The following FAM83B variants were observed in gnomAD, a reference collection of about 807,000 sequenced individuals.
The protein encoded by FAM83B is scaffolding CK1 anchoring protein B.
A neutral mutation model predicts 38.8 loss-of-function variants in FAM83B; 26 were observed. That is an observed-to-expected ratio of 0.67 (90% CI 0.49 to 0.93). The LOEUF (loss-of-function observed/expected upper bound fraction) is 0.93, where lower values mean the gene tolerates loss of function less well. FAM83B is among the 40% of genes least tolerant of loss of function. The pLI is 0.00. For missense variants in FAM83B, 1,237 were observed against 1,197.3 expected (o/e 1.03, Z -0.49); for synonymous variants, 419 against 423.1 (o/e 0.99, Z 0.12).
Position 54,940,573 on chromosome 6 carries a change from T to C in FAM83B, c.1602T>C (p.Leu534=), listed in dbSNP as rs749266627. The change falls in exon 5 of 5, where the codon CTT becomes CTC. Residue 534 remains leucine (L), a synonymous_variant. Coordinates refer to ENST00000306858, the MANE Select transcript of FAM83B (RefSeq NM_001010872.3). ...CTGAGAATTTGAAGGCCAATGCCCTTTATACTCATTCTCGGCTTCGTTCCT... is the reference window on the plus strand; with the variant it reads ...CTGAGAATTTGAAGGCCAATGCCCTCTATACTCATTCTCGGCTTCGTTCCT... The part of the protein sequence containing the change: ...DNPENLKANA[L]YTHSRLRSSL... 1 of 1,614,062 alleles carries C rather than the reference T, an allele frequency of 6.2e-7. No individual in the cohort carries two copies. Among genetic ancestry groups the C allele is most frequent in the Admixed American group, 1.7e-5 (1 of 59,968 alleles).
rs1773748961 is a variant in FAM83B, at chr6:54,943,569, G to A, written c.*1562G>A. 6.6e-6 allele frequency: 1 copy of A among 151,898 alleles called. No individual in the cohort carries two copies. The highest frequency in any genetic ancestry group is 2.1e-4 in the South Asian group (1 of 4,812). The allele number at this position is 151,898 out of a possible 1,614,324, so 9.4% of individuals were successfully genotyped here. A position where few individuals can be genotyped will look rare whatever the true frequency, so the allele number is the denominator to read the frequency against. On this transcript the variant is annotated 3_prime_UTR_variant, in exon 5 of 5. Coordinates refer to ENST00000306858, the MANE Select transcript of FAM83B (RefSeq NM_001010872.3). ...GTCTCATTAAAATAATTTAAATAATGGTATAAAATATCTATATCATTAAAA... is the reference window on the plus strand; with the variant it reads ...GTCTCATTAAAATAATTTAAATAATAGTATAAAATATCTATATCATTAAAA...
At chr6:54,850,630 A>G (rs374368358) in intron 1 of FAM83B, among the ~76,000 whole-genome samples, 2 of 151,934 alleles carry the variant, frequency 1.3e-5, no homozygotes, top group African/African-American at 4.8e-5. Flanking sequence ...GCTGTCATTT[A>G]TATATACACA....
rs1013433094 is a variant in FAM83B, at chr6:54,937,503, ACAAATCCTGTTTACAGC to A, written c.735-2202_735-2186del. ...CCTTTAATGATTGAGGCAGCTGGCC[ACAAATCCTGTTTACAGC>A]TCTTGGCATCCTAAATTACACTTAT... is the stretch of plus-strand genomic sequence containing the variant. On this transcript the variant is annotated intron_variant, in intron 4 of 4. Coordinates refer to ENST00000306858, the MANE Select transcript of FAM83B (RefSeq NM_001010872.3). 1.5e-4 allele frequency among the ~76,000 whole-genome samples: 23 copies of A among 152,152 alleles called. 1 individual carries two copies. Among genetic ancestry groups the A allele is most frequent in the African/African-American group, 2.4e-5 (1 of 41,458 alleles).
At chr6:54,933,888 G>C (rs1773474282) in intron 4 of FAM83B, among the ~76,000 whole-genome samples, 1 of 152,064 alleles carries the variant, frequency 6.6e-6, no homozygotes, top group African/African-American at 2.4e-5. Context: ...TTTCCATCCT[G>C]AGGGAGGACC....
At chr6:54,936,559 T>C (rs1445591566) in intron 4 of FAM83B, among the ~76,000 whole-genome samples, 1 of 152,060 alleles carries the variant, frequency 6.6e-6, no homozygotes, top group Non-Finnish European at 1.5e-5. Context: ...TCGAACTTTC[T>C]GTTTTGTTTT....
At chr6:54,935,470 A>G (rs1773505945) in intron 4 of FAM83B, among the ~76,000 whole-genome samples, 1 of 152,146 alleles carries the variant, frequency 6.6e-6, no homozygotes, top group African/African-American at 2.4e-5. Flanking sequence ...AAGAGGGAAC[A>G]ATAGATAAAA....
intron 1 of FAM83B, among the ~76,000 whole-genome samples, chr6:54,864,611 A>G (rs979636803): frequency 6.6e-6 from 1 of 152,218 alleles, no homozygotes; most frequent in Non-Finnish European, 1.5e-5. Context: ...ATCAAATTGC[A>G]CTTGACAGCT....
At chr6:54,879,399 C>G (rs1452576561) in intron 2 of FAM83B, among the ~76,000 whole-genome samples, 2 of 152,186 alleles carry the variant, frequency 1.3e-5, no homozygotes, top group African/African-American at 4.8e-5. Flanking sequence ...CAGAACCTCC[C>G]AACACTTAGT....
At chr6:54,918,584 C>T (rs1302823543) in intron 2 of FAM83B, among the ~76,000 whole-genome samples, 1 of 152,024 alleles carries the variant, frequency 6.6e-6, no homozygotes, top group Non-Finnish European at 1.5e-5. Flanking sequence ...ATAAAACCAT[C>T]AGATCTTGGG....
At position 54,943,334 on chromosome 6, in the gene FAM83B, A is replaced by G. The variant is rs1194298926; in HGVS notation, c.*1327A>G. On this transcript the variant is annotated 3_prime_UTR_variant, in exon 5 of 5. Transcript: ENST00000306858. ...AGATACCCTTTGTCTTTCTTACAGTAATGAAGTATAAGCTCCATATCTGTT... is the reference window on the plus strand; with the variant it reads ...AGATACCCTTTGTCTTTCTTACAGTGATGAAGTATAAGCTCCATATCTGTT... 6.6e-6 allele frequency: 1 copy of G among 152,206 alleles called. No individual in the cohort carries two copies. The highest frequency in any genetic ancestry group is 1.5e-5 in the Non-Finnish European group (1 of 68,036). 9.4% of individuals were successfully genotyped at this position (152,206 alleles called of 1,614,324 possible).
At position 54,944,148 on chromosome 6, in the gene FAM83B, A is replaced by G. The variant is rs1773758099; in HGVS notation, c.*2141A>G. On this transcript the variant is annotated 3_prime_UTR_variant, in exon 5 of 5. Transcript: ENST00000306858. ...CAACTTTCCAAAGTCTCTGTGGCCA[A>G]AACCTCTCCAGGGATAAGACTGAGC... 6.6e-6 allele frequency: 1 copy of G among 152,200 alleles called. No individual in the cohort carries two copies. 9.4% of individuals were successfully genotyped at this position (152,200 alleles called of 1,614,324 possible). A position where few individuals can be genotyped will look rare whatever the true frequency, so the allele number is the denominator to read the frequency against.
intron 2 of FAM83B, among the ~76,000 whole-genome samples, chr6:54,887,310 C>A (rs570537929): frequency 6.6e-6 from 1 of 152,166 alleles, no homozygotes; most frequent in East Asian, 1.9e-4. Flanking sequence ...GCAAAACTCA[C>A]ATCTGTGGAG....
At chr6:54,859,310 T>C (rs1771522387) in intron 1 of FAM83B, among the ~76,000 whole-genome samples, 1 of 152,174 alleles carries the variant, frequency 6.6e-6, no homozygotes. Context: ...TCTGCACACC[T>C]TGGCCTCCCA....
intron 2 of FAM83B, among the ~76,000 whole-genome samples, chr6:54,902,190 A>G (rs544779718): frequency 6.6e-5 from 10 of 152,188 alleles, no homozygotes; most frequent in Non-Finnish European, 1.3e-4. Flanking sequence ...CTTTGTCCCG[A>G]GATGCCCTCA....
chr6:54,917,946 T>C (rs1196589735), intron 2 of FAM83B, among the ~76,000 whole-genome samples: 1 of 152,104 alleles, frequency 6.6e-6, no homozygotes, highest in Non-Finnish European at 1.5e-5. Flanking sequence ...CTGTGTCACT[T>C]AATAAATACC....
chr6:54,877,517 A>T (rs963128774), intron 2 of FAM83B, among the ~76,000 whole-genome samples: 11 of 152,206 alleles, frequency 7.2e-5, no homozygotes, highest in Non-Finnish European at 1.5e-5. Flanking sequence ...GATTTATTTA[A>T]CTAGTCACTC....
chr6:54,940,269 A>G lies in FAM83B; in HGVS notation c.1298A>G (p.Tyr433Cys), dbSNP rs919519373. 6 of 1,614,052 alleles carry G rather than the reference A, an allele frequency of 3.7e-6. No homozygotes were observed. The South Asian group carries it at 4.4e-5, about 12-fold the overall frequency. ...GTGGCGTCCTCATCACGGGAAGGCT[A>G]TGTAAGCCACCACAACACACCTGCC... ...LSVASSSREG[Y>C]VSHHNTPAQS... is the part of the protein sequence containing the mutation. The change falls in exon 5 of 5, where the codon TAT becomes TGT. Residue 433 changes from tyrosine to cysteine, a missense_variant. By Grantham distance (194) the Tyr-to-Cys change is radical. Transcript: ENST00000306858.
intron 2 of FAM83B, among the ~76,000 whole-genome samples, chr6:54,873,241 G>C (rs1771904346): frequency 6.6e-6 from 1 of 151,758 alleles, no homozygotes; most frequent in Admixed American, 6.6e-5. Flanking sequence ...GGTTATCTTT[G>C]CATGGAATAT....
At chr6:54,862,556 C>A (rs928675774) in intron 1 of FAM83B, among the ~76,000 whole-genome samples, 2 of 152,086 alleles carry the variant, frequency 1.3e-5, no homozygotes, top group Non-Finnish European at 2.9e-5. Context: ...CTAGATGGAT[C>A]AGCAAGTGTT....
Sources: allele counts gnomAD v4.1 joint callset (sites outside exome capture counted in the v4.1 genomes callset), GRCh38; gene constraint gnomAD v4.1.1; transcripts MANE v1.5; gene names NCBI Gene and HGNC (gene_info 2026-07-23, HGNC 2026-07-21).